BAZ2B: variants seen among roughly 807,000 people sequenced by gnomAD.
BAZ2B encodes the protein bromodomain adjacent to zinc finger domain protein 2B.
Under a neutral mutation model 246.0 loss-of-function variants are expected in BAZ2B, and 91 were observed. The ratio of observed to expected loss-of-function variants is 0.37; its 90% CI spans 0.31 to 0.44. The LOEUF (loss-of-function observed/expected upper bound fraction) is 0.44. Ranked by LOEUF, BAZ2B falls within the 20% of genes least tolerant of loss-of-function variation. The probability of loss-of-function intolerance (pLI) is 1.00; values close to 1 mark genes in which losing one functional copy is unlikely to be tolerated. For missense variants in BAZ2B, 2,332 were observed against 2,533.7 expected (o/e 0.92, Z 1.71); for synonymous variants, 855 against 860.0 (o/e 0.99, Z 0.10).
chr2:159,521,032 A>G (rs1253054547), intron 2 of BAZ2B, among the ~76,000 whole-genome samples: 2 of 152,074 alleles, frequency 1.3e-5, no homozygotes, highest in African/African-American at 2.4e-5. Flanking sequence ...TAATTCTGCT[A>G]TTGTAAAAGG....
intron 11 of BAZ2B, 135 bp from the exon 12 acceptor site, chr2:159,428,554 C>T: frequency 1.9e-6 from 1 of 522,764 alleles, no homozygotes; most frequent in Non-Finnish European, 3.3e-6. Context: ...TCAAACAACC[C>T]AAATACATTA....
chr2:159,484,413 A>G (rs1022188712), intron 2 of BAZ2B, among the ~76,000 whole-genome samples: 2 of 152,202 alleles, frequency 1.3e-5, no homozygotes, highest in African/African-American at 4.8e-5. Flanking sequence ...ATGTTTAAAC[A>G]CTGATAATGT....
chr2:159,316,992 C>T (rs1408155082), downstream of BAZ2B, among the ~76,000 whole-genome samples: 3 of 142,036 alleles, frequency 2.1e-5, no homozygotes, highest in Non-Finnish European at 4.5e-5. Flanking sequence ...CCGAGCAATA[C>T]TCTGTCTCAA....
rs188885132 is a variant in BAZ2B, at chr2:159,320,864, C to T, written c.6354-446G>A. On this transcript the variant is annotated intron_variant, in intron 36 of 36. Coordinates refer to ENST00000392783, the MANE Select transcript of BAZ2B (RefSeq NM_013450.4). ...TCCCCATGCAATGATAAAAATTACACTTGTCCTGTAGCTTCTATATACACC... is the reference window on the plus strand; with the variant it reads ...TCCCCATGCAATGATAAAAATTACATTTGTCCTGTAGCTTCTATATACACC... Among the ~76,000 whole-genome samples, 911 of 152,332 alleles carry T rather than the reference C, an allele frequency of 6.0e-3. 7 individuals are homozygous for T. The highest frequency in any genetic ancestry group is 8.5e-3 in the Non-Finnish European group (575 of 68,030).
chr2:159,474,747 G>A (rs915729079), intron 3 of BAZ2B, among the ~76,000 whole-genome samples: 4 of 152,154 alleles, frequency 2.6e-5, no homozygotes, highest in Non-Finnish European at 5.9e-5. Context: ...TGTAAGGCAG[G>A]ACTGGTGGTA....
intron 1 of BAZ2B, among the ~76,000 whole-genome samples, chr2:159,601,726 T>TA (rs1013763678): frequency 2.5e-4 from 37 of 149,958 alleles, no homozygotes; most frequent in African/African-American, 7.8e-4. Flanking sequence ...TGTCTCAAAA[T>TA]AAAAAAAAAG....
intron 2 of BAZ2B, among the ~76,000 whole-genome samples, chr2:159,546,050 A>T (rs2087292821): frequency 1.3e-5 from 2 of 152,176 alleles, no homozygotes. Flanking sequence ...GTGAAAATGA[A>T]TCATTATAGT....
chr2:159,585,770 T>C (rs765424667), intron 1 of BAZ2B, among the ~76,000 whole-genome samples: 1 of 152,256 alleles, frequency 6.6e-6, no homozygotes, highest in Non-Finnish European at 1.5e-5. Context: ...ATGCCTTCAT[T>C]CAATGACTAG....
At chr2:159,609,869 C>T (rs1694337620) in intron 1 of BAZ2B, among the ~76,000 whole-genome samples, 1 of 151,646 alleles carries the variant, frequency 6.6e-6, no homozygotes, top group Non-Finnish European at 1.5e-5. Flanking sequence ...TAATAGCTTG[C>T]AAATGACTAT....
intron 2 of BAZ2B, among the ~76,000 whole-genome samples, chr2:159,490,322 A>C (rs1470367311): frequency 6.6e-6 from 1 of 152,204 alleles, no homozygotes; most frequent in Non-Finnish European, 1.5e-5. Flanking sequence ...TATTTTAAAC[A>C]AAATTTTATA....
intron 10 of BAZ2B, among the ~76,000 whole-genome samples, chr2:159,429,929 T>G (rs1457684421): frequency 2.6e-5 from 4 of 152,180 alleles, no homozygotes; most frequent in Non-Finnish European, 4.4e-5. Context: ...ACATCTATAT[T>G]TTCTTAGACA....
At chr2:159,694,393 T>C in the BAZ2B span, 1 of 152,172 alleles carries the variant, frequency 6.6e-6, no homozygotes, top group Non-Finnish European at 1.5e-5. Flanking sequence ...TGGCTTTTAG[T>C]ATATTCACAA....
chr2:159,570,777 G>C (rs939294977), intron 1 of BAZ2B, among the ~76,000 whole-genome samples: 1 of 152,190 alleles, frequency 6.6e-6, no homozygotes, highest in African/African-American at 2.4e-5. Context: ...GGTTGGATAA[G>C]TGTGGTAATC....
chr2:159,397,292 A>G, intron 19 of BAZ2B, 53 bp downstream of exon 19: 1 of 1,377,174 alleles, frequency 7.3e-7, no homozygotes, highest in Non-Finnish European at 1.0e-6. Flanking sequence ...AATAGGTTTA[A>G]GCAATATTAT....
intron 31 of BAZ2B, among the ~76,000 whole-genome samples, chr2:159,346,821 G>A (rs973684623): frequency 6.6e-6 from 1 of 152,088 alleles, no homozygotes; most frequent in African/African-American, 2.4e-5. Context: ...CAAGGGTAAA[G>A]CTTTCCTTTT....
chr2:159,378,812 G>A (rs943827549), intron 25 of BAZ2B, among the ~76,000 whole-genome samples: 1 of 152,178 alleles, frequency 6.6e-6, no homozygotes, highest in Non-Finnish European at 1.5e-5. Flanking sequence ...ACAGACAGGA[G>A]TGTTGGCAAG....
At chr2:159,387,651 C>G (rs2062800105) in intron 21 of BAZ2B, among the ~76,000 whole-genome samples, 9 of 152,008 alleles carry the variant, frequency 5.9e-5, no homozygotes. Flanking sequence ...TCTTGAACCA[C>G]AGGAAACATA....
chr2:159,633,018 G>A, the BAZ2B span, among the ~76,000 whole-genome samples: 3 of 152,196 alleles, frequency 2.0e-5, no homozygotes, highest in East Asian at 3.9e-4. Flanking sequence ...AGAATCAACT[G>A]GCTATATGAA....
At chr2:159,680,443 T>C in the BAZ2B span, among the ~76,000 whole-genome samples, 45 of 152,142 alleles carry the variant, frequency 3.0e-4, 1 homozygote, top group Non-Finnish European at 2.6e-4. Flanking sequence ...CAGATTAAAA[T>C]GTCAAATAAA....
Sources: gnomAD v4.1 joint callset for allele counts (sites outside exome capture counted in the v4.1 genomes callset) on GRCh38, gnomAD v4.1.1 for gene constraint, MANE v1.5 for transcripts, NCBI Gene and HGNC (gene_info 2026-07-23, HGNC 2026-07-21) for gene names.